Variants in THSD4 observed in about 807,000 individuals in gnomAD.
THSD4 encodes the protein thrombospondin type 1 domain containing 4, also known as thrombospondin type-1 domain-containing protein 4.
Under a neutral mutation model 119.0 loss-of-function variants are expected in THSD4, and 69 were observed. The observed-to-expected ratio is 0.58, with a 90% CI of 0.48 to 0.71. The LOEUF is 0.71. Among genes scored for constraint, THSD4 ranks in the 30% least tolerant of loss-of-function variants. The pLI is 0.00. For synonymous variants in THSD4, 524 were observed against 540.4 expected (o/e 0.97, Z 0.42); for missense variants, 1,393 against 1,391.1 (o/e 1.00, Z -0.02).
intron 6 of THSD4, among the ~76,000 whole-genome samples, chr15:71,313,399 T>C (rs2045139742): frequency 6.6e-6 from 1 of 152,200 alleles, no homozygotes; most frequent in African/African-American, 2.4e-5. Context: ...AGTTATCAAA[T>C]CAGCCATTTC....
chr15:71,625,792 A>G (rs539540696), intron 7 of THSD4, among the ~76,000 whole-genome samples: 1 of 152,316 alleles, frequency 6.6e-6, no homozygotes, highest in African/African-American at 2.4e-5. Context: ...GGGAGCTCAC[A>G]ATTCCAGGGT....
chr15:71,522,458 G>A (rs1158905160), intron 7 of THSD4, among the ~76,000 whole-genome samples: 1 of 152,172 alleles, frequency 6.6e-6, no homozygotes, highest in Non-Finnish European at 1.5e-5. Flanking sequence ...TATGGGGTTA[G>A]GAGTGGGGAT....
chr15:71,529,965 ACTTGTAAATTAT>A (rs2048584250), intron 7 of THSD4, among the ~76,000 whole-genome samples: 1 of 152,068 alleles, frequency 6.6e-6, no homozygotes, highest in Non-Finnish European at 1.5e-5. Context: ...CACATTGGAG[ACTTGTAAATTAT>A]CTGTGGCTGC....
At chr15:71,457,904 C>T (rs779085480) in intron 7 of THSD4, among the ~76,000 whole-genome samples, 3 of 152,150 alleles carry the variant, frequency 2.0e-5, no homozygotes, top group Non-Finnish European at 2.9e-5. Flanking sequence ...TCTTCCTCAC[C>T]GTTGGATTTC....
intron 14 of THSD4, among the ~76,000 whole-genome samples, chr15:71,751,890 A>G (rs1313532052): frequency 6.6e-6 from 1 of 152,214 alleles, no homozygotes; most frequent in African/African-American, 2.4e-5. Context: ...GTTCTTGTGC[A>G]TAAATCTTTA....
chr15:71,319,233 G>T (rs1419097726), intron 6 of THSD4, among the ~76,000 whole-genome samples: 1 of 152,098 alleles, frequency 6.6e-6, no homozygotes, highest in Non-Finnish European at 1.5e-5. Context: ...TGACATCAAG[G>T]ATTCTAAAGT....
At chr15:71,672,721 C>T (rs1378808708) in intron 8 of THSD4, among the ~76,000 whole-genome samples, 1 of 152,138 alleles carries the variant, frequency 6.6e-6, no homozygotes, top group African/African-American at 2.4e-5. Flanking sequence ...TTGTCAAAGG[C>T]CTTTTCTGCA....
chr15:71,228,162 C>T (rs1478621876), intron 4 of THSD4, among the ~76,000 whole-genome samples: 1 of 151,904 alleles, frequency 6.6e-6, no homozygotes. Context: ...CAGGTGAGTT[C>T]TATGTGCAAT....
At chr15:71,347,957 C>T (rs1273804265) in intron 6 of THSD4, among the ~76,000 whole-genome samples, 4 of 152,204 alleles carry the variant, frequency 2.6e-5, no homozygotes, top group African/African-American at 9.6e-5. Context: ...TAATCTTACC[C>T]TCTGCATACT....
At chr15:71,585,959 T>G (rs1279035329) in intron 7 of THSD4, among the ~76,000 whole-genome samples, 1 of 152,244 alleles carries the variant, frequency 6.6e-6, no homozygotes, top group East Asian at 1.9e-4. Flanking sequence ...ATCAAACTTC[T>G]AATTTTATGC....
chr15:71,543,898 C>T (rs1290503122), intron 7 of THSD4, among the ~76,000 whole-genome samples: 16 of 152,108 alleles, frequency 1.1e-4, no homozygotes, highest in Non-Finnish European at 1.5e-5. Flanking sequence ...CATGGTGGTG[C>T]AAGCCTGTAA....
At chr15:71,577,475 G>C (rs1246617285) in intron 7 of THSD4, among the ~76,000 whole-genome samples, 1 of 152,140 alleles carries the variant, frequency 6.6e-6, no homozygotes, top group East Asian at 1.9e-4. Context: ...AGACTGTGAG[G>C]GGGTGAAAGC....
At chr15:71,602,903 A>G (rs570216473) in intron 7 of THSD4, among the ~76,000 whole-genome samples, 54 of 152,336 alleles carry the variant, frequency 3.5e-4, no homozygotes, top group Middle Eastern at 3.4e-3. Context: ...AGGAGGGGAA[A>G]AAACATAAGG....
intron 7 of THSD4, among the ~76,000 whole-genome samples, chr15:71,455,364 C>A (rs2047324822): frequency 6.6e-6 from 1 of 152,070 alleles, no homozygotes; most frequent in African/African-American, 2.4e-5. Flanking sequence ...TACTGAGAAG[C>A]CTATAATTTT....
chr15:71,392,032 T>C (rs961412249), intron 6 of THSD4, among the ~76,000 whole-genome samples: 19 of 152,184 alleles, frequency 1.2e-4, no homozygotes. Context: ...AACTTGGCCA[T>C]GTTTCTATGA....
chr15:71,538,606 C>G lies in THSD4; in HGVS notation c.1153-121924C>G, dbSNP rs569499039. On this transcript the variant is annotated intron_variant, in intron 7 of 17. Coordinates refer to ENST00000261862, the MANE Select transcript of THSD4 (RefSeq NM_024817.3). ...TTGCTTGAAGCAGTGGTTCCCAAAC[C>G]AGCAGGCATCCACAGGGCTTGTTAT... is the stretch of plus-strand genomic sequence containing the variant. Among the ~76,000 whole-genome samples the G allele has an allele frequency of 3.9e-5, 6 of 152,332 alleles. No individual in the cohort carries two copies. The East Asian group carries it at 1.2e-3, about 29-fold the overall frequency.
In THSD4 at chr15:71,174,838, C is replaced by T. The variant is rs538627255; in HGVS notation, c.99+19906C>T. ...CAAGTGGGTCCCTGACCCCTGACCC[C>T]GAGCAGCCTAACTGGGAGGCACCCC... On this transcript the variant is annotated intron_variant, in intron 3 of 17. Transcript: ENST00000261862. Among the ~76,000 whole-genome samples, 402 of 151,906 alleles carry T rather than the reference C, an allele frequency of 2.6e-3. 3 individuals carry two copies. The highest frequency in any genetic ancestry group is 9.4e-3 in the African/African-American group (390 of 41,526).
At chr15:71,422,175 G>C (rs1310609536) in intron 7 of THSD4, among the ~76,000 whole-genome samples, 1 of 152,146 alleles carries the variant, frequency 6.6e-6, no homozygotes, top group African/African-American at 2.4e-5. Flanking sequence ...TAGTTTGTTT[G>C]GTGAGGTCAT....
chr15:71,139,387 T>C (rs1228971636), intron 1 of THSD4, among the ~76,000 whole-genome samples: 1 of 152,202 alleles, frequency 6.6e-6, no homozygotes, highest in Non-Finnish European at 1.5e-5. Context: ...TTCATTTGAC[T>C]TCCAAGTTAA....
Sources: gnomAD v4.1 joint callset for allele counts (sites outside exome capture counted in the v4.1 genomes callset) on GRCh38, gnomAD v4.1.1 for gene constraint, MANE v1.5 for transcripts, NCBI Gene and HGNC (gene_info 2026-07-23, HGNC 2026-07-21) for gene names.